The following PTPRD variants were observed in gnomAD, a reference collection of about 807,000 sequenced individuals.
PTPRD encodes protein tyrosine phosphatase receptor type D.
PTPRD carries 34 observed loss-of-function variants against 214.5 expected under a neutral mutation model. The ratio of observed to expected loss-of-function variants is 0.16; its 90% CI spans 0.12 to 0.21. PTPRD has a LOEUF of 0.21. Ranked by LOEUF, PTPRD falls within the 10% of genes least tolerant of loss-of-function variation. The probability of loss-of-function intolerance (pLI) is 1.00; values close to 1 mark genes in which losing one functional copy is unlikely to be tolerated. For missense variants in PTPRD, 2,545 were observed against 2,398.7 expected (o/e 1.06, Z -1.27); for synonymous variants, 1,128 against 845.7 (o/e 1.33, Z -5.79).
At chr9:9,243,409 G>T (rs555254698) in intron 9 of PTPRD, among the ~76,000 whole-genome samples, 43 of 152,126 alleles carry the variant, frequency 2.8e-4, no homozygotes, top group Admixed American at 5.9e-4. Context: ...CTGGCAAACC[G>T]AATCCAGCAG....
At chr9:9,959,402 T>A (rs2094188436) in intron 4 of PTPRD, among the ~76,000 whole-genome samples, 1 of 152,090 alleles carries the variant, frequency 6.6e-6, no homozygotes, top group Non-Finnish European at 1.5e-5. Flanking sequence ...TTATTCCAAG[T>A]TTTACTGATA....
rs541826054 is a variant in PTPRD at position 9,603,880 on chromosome 9, A to G, written c.-286-29099T>C. On this transcript the variant is annotated intron_variant, in intron 7 of 45. Coordinates refer to ENST00000381196, the MANE Select transcript of PTPRD (RefSeq NM_002839.4). ...ACTTTTATTTTAGTTTCAGGGGTACAGGTGCAGGTTTTTTACAGAGGTCAA... is the reference window on the plus strand; with the variant it reads ...ACTTTTATTTTAGTTTCAGGGGTACGGGTGCAGGTTTTTTACAGAGGTCAA... Among the ~76,000 whole-genome samples the G allele has an allele frequency of 9.5e-4, 145 of 152,148 alleles. 1 individual carries two copies. Among genetic ancestry groups the G allele is most frequent in the Non-Finnish European group, 1.3e-3 (89 of 67,984 alleles).
At chr9:10,365,527 C>CT (rs1265814668) in intron 2 of PTPRD, among the ~76,000 whole-genome samples, 1 of 152,012 alleles carries the variant, frequency 6.6e-6, no homozygotes, top group African/African-American at 2.4e-5. Flanking sequence ...AAGTATTTTC[C>CT]TATTTCCTCA....
At chr9:9,469,586 T>G (rs1428082483) in intron 8 of PTPRD, among the ~76,000 whole-genome samples, 1 of 152,168 alleles carries the variant, frequency 6.6e-6, no homozygotes, top group Non-Finnish European at 1.5e-5. Context: ...TGATGACAGA[T>G]GAAAAGGCCT....
intron 3 of PTPRD, among the ~76,000 whole-genome samples, chr9:10,149,548 C>T (rs2099046381): frequency 6.6e-6 from 1 of 152,094 alleles, no homozygotes; most frequent in Non-Finnish European, 1.5e-5. Flanking sequence ...CTGGTGTACA[C>T]CACTTACTCG....
At chr9:8,545,033 T>C (rs994858817) in intron 14 of PTPRD, among the ~76,000 whole-genome samples, 1 of 152,048 alleles carries the variant, frequency 6.6e-6, no homozygotes, top group Non-Finnish European at 1.5e-5. Flanking sequence ...CTGGTGCTTC[T>C]TAATATGACA....
chr9:9,052,118 G>T (rs1036917744), intron 10 of PTPRD, among the ~76,000 whole-genome samples: 46 of 152,298 alleles, frequency 3.0e-4, no homozygotes, highest in African/African-American at 1.1e-3. Context: ...TGTTGTTACA[G>T]CCGCCTTCCT....
intron 8 of PTPRD, among the ~76,000 whole-genome samples, chr9:9,543,249 C>G (rs2078026591): frequency 6.6e-6 from 1 of 151,528 alleles, no homozygotes; most frequent in Admixed American, 6.6e-5. Flanking sequence ...TAAGAATAGA[C>G]ATAACAAATT....
intron 3 of PTPRD, among the ~76,000 whole-genome samples, chr9:10,180,421 C>T (rs1278293844): frequency 1.3e-5 from 2 of 151,894 alleles, no homozygotes; most frequent in African/African-American, 4.8e-5. Context: ...TTGAGACACA[C>T]CAGCTCAAAT....
At chr9:9,740,437 A>C (rs555803844) in intron 6 of PTPRD, among the ~76,000 whole-genome samples, 1 of 151,422 alleles carries the variant, frequency 6.6e-6, no homozygotes, top group East Asian at 1.9e-4. Context: ...GGCTCACTGC[A>C]AGCTCCGCCT....
chr9:8,696,169 A>AACAAC lies in PTPRD; in HGVS notation c.64+37606_64+37610dup, dbSNP rs144223888. On this transcript the variant is annotated intron_variant, in intron 12 of 45. Coordinates refer to ENST00000381196, the MANE Select transcript of PTPRD (RefSeq NM_002839.4). ...ACCTTCACGTTATGTTTTTCAAGGT[A>AACAAC]ACAACACAACACAACAGAGAGAAGA... 3.4e-3 allele frequency among the ~76,000 whole-genome samples: 521 copies of AACAAC among 152,286 alleles called. 1 individual carries two copies. The highest frequency in any genetic ancestry group is 0.012 in the African/African-American group (504 of 41,554).
Position 8,891,146 on chromosome 9 carries a change from T to G in PTPRD, c.-104+127551A>C, listed in dbSNP as rs998966625. On this transcript the variant is annotated intron_variant, in intron 11 of 45. Transcript: ENST00000381196. ...GCTTTGAATTAATCTAATTTTTTTT[T>G]TTTTTGAGACTGAGTCTCCCTCTGT... 1.4e-5 allele frequency among the ~76,000 whole-genome samples: 2 copies of G among 148,138 alleles called. 1 individual carries two copies. Among genetic ancestry groups the G allele is most frequent in the Admixed American group, 1.3e-4 (2 of 14,954 alleles).
At chr9:9,751,666 T>C (rs1448088706) in intron 6 of PTPRD, among the ~76,000 whole-genome samples, 3 of 152,040 alleles carry the variant, frequency 2.0e-5, no homozygotes, top group South Asian at 2.1e-4. Flanking sequence ...ACAAACATCA[T>C]GTGAAGATGA....
chr9:8,937,072 A>G (rs2099002649), intron 11 of PTPRD, among the ~76,000 whole-genome samples: 1 of 46,478 alleles, frequency 2.2e-5, no homozygotes, highest in African/African-American at 6.1e-5. Flanking sequence ...AATATTAGAG[A>G]ATAGAAATGG....
At chr9:9,686,198 A>C (rs191149268) in intron 7 of PTPRD, among the ~76,000 whole-genome samples, 6 of 151,500 alleles carry the variant, frequency 4.0e-5, no homozygotes, top group Non-Finnish European at 5.9e-5. Flanking sequence ...TGTCCTTCTT[A>C]AATTTTCATT....
At chr9:8,886,875 T>C (rs1017319025) in intron 11 of PTPRD, among the ~76,000 whole-genome samples, 19 of 152,244 alleles carry the variant, frequency 1.2e-4, no homozygotes, top group Admixed American at 3.3e-4. Context: ...CTGGAAGATA[T>C]ACACACACAA....
chr9:9,351,964 A>G (rs2051366095), intron 9 of PTPRD, among the ~76,000 whole-genome samples: 1 of 152,002 alleles, frequency 6.6e-6, no homozygotes, highest in South Asian at 2.1e-4. Flanking sequence ...TATGATTCAT[A>G]TTTTAACTCT....
intron 4 of PTPRD, among the ~76,000 whole-genome samples, chr9:10,016,369 A>ATAGG (rs553197290): frequency 1.8e-5 from 2 of 108,596 alleles, no homozygotes; most frequent in South Asian, 3.3e-4. Context: ...AGATAGATAG[A>ATAGG]TAGATAGATA....
At chr9:10,377,805 A>G (rs2097759062) in intron 2 of PTPRD, among the ~76,000 whole-genome samples, 1 of 152,054 alleles carries the variant, frequency 6.6e-6, no homozygotes, top group East Asian at 1.9e-4. Context: ...TTATCCATTC[A>G]TCTACTGATG....
Sources: allele counts gnomAD v4.1 joint callset (sites outside exome capture counted in the v4.1 genomes callset), GRCh38; gene constraint gnomAD v4.1.1; transcripts MANE v1.5; gene names NCBI Gene and HGNC (gene_info 2026-07-23, HGNC 2026-07-21).